The following EVC variants were observed in gnomAD, a reference collection of about 807,000 sequenced individuals.
The protein encoded by EVC is evC complex member EVC.
Under a neutral mutation model 118.9 loss-of-function variants are expected in EVC, and 116 were observed. That is an observed-to-expected ratio of 0.98 (90% CI 0.84 to 1.14). The LOEUF (loss-of-function observed/expected upper bound fraction) is 1.14, where lower values mean the gene tolerates loss of function less well. Among genes scored for constraint, EVC ranks in the 50% most tolerant of loss-of-function variants. The pLI, the probability that EVC is intolerant of heterozygous loss-of-function variation, is 0.00. For missense variants in EVC, 1,401 were observed against 1,246.4 expected, an observed-to-expected ratio of 1.12 and a Z score of -1.87; for synonymous variants, 619 against 534.7, an observed-to-expected ratio of 1.16 and a Z score of -2.18.
In EVC at chr4:5,754,559, G is replaced by T. The variant is rs1381992438; in HGVS notation, c.1464+626G>T. Reference sequence around the variant, plus strand: ...CTCGCCAGTTCTCAGAGAGACCACCGAGCTCTGGTTTCGCTCTGCTTGCTT... The same window carrying T: ...CTCGCCAGTTCTCAGAGAGACCACCTAGCTCTGGTTTCGCTCTGCTTGCTT... On this transcript the variant is annotated intron_variant, in intron 10 of 20. Coordinates refer to ENST00000264956, the MANE Select transcript of EVC (RefSeq NM_153717.3). The surrounding 1 kb of genome is among the most constrained non-coding windows in gnomAD (Gnocchi z 5.8). 6.6e-6 allele frequency among the ~76,000 whole-genome samples: 1 copy of T among 152,150 alleles called. No individual in the cohort carries two copies. The highest frequency in any genetic ancestry group is 1.5e-5 in the Non-Finnish European group (1 of 68,028).
At chr4:5,809,406 A>G (rs2152391501) in intron 18 of EVC, 112 bp from the exon 19 acceptor site, 1 of 903,076 alleles carries the variant, frequency 1.1e-6, no homozygotes, top group Non-Finnish European at 1.8e-6. Flanking sequence ...TCCACACGGG[A>G]GACGTGGTCT....
intron 13 of EVC, 46 bp downstream of exon 13, chr4:5,793,763 T>G: frequency 7.0e-7 from 1 of 1,428,194 alleles, no homozygotes; most frequent in Non-Finnish European, 9.7e-7. Context: ...TCCTGCATGA[T>G]GCTCCCTCCA....
At chr4:5,788,313 G>T (rs1007454567) in intron 12 of EVC, among the ~76,000 whole-genome samples, 3 of 152,174 alleles carry the variant, frequency 2.0e-5, no homozygotes, top group Non-Finnish European at 4.4e-5. Context: ...TGGGGCTGGA[G>T]TCTCATCAGA....
intron 11 of EVC, among the ~76,000 whole-genome samples, chr4:5,781,586 C>T (rs1735603530): frequency 6.6e-6 from 1 of 152,102 alleles, no homozygotes; most frequent in Admixed American, 6.6e-5. Flanking sequence ...CCTGTAATCC[C>T]AGCACTTTGG....
chr4:5,717,517 A>G (rs1724176678), intron 1 of EVC, among the ~76,000 whole-genome samples: 1 of 152,156 alleles, frequency 6.6e-6, no homozygotes, highest in Admixed American at 6.5e-5. Context: ...TCTTTACTGT[A>G]GGACTATCTG....
In EVC at chr4:5,717,114, T is replaced by C. The variant is rs138873501; in HGVS notation, c.175-2134T>C. The stretch of plus-strand genomic sequence containing the variant: ...ACTCCTATCACTTTTTTAGGTTGAA[T>C]TGGGCTTCCAATCTTAGTCTTTCTC... On this transcript the variant is annotated intron_variant, in intron 1 of 20. Coordinates refer to ENST00000264956, the MANE Select transcript of EVC (RefSeq NM_153717.3). Among the ~76,000 whole-genome samples the C allele has an allele frequency of 5.3e-3, 808 of 152,316 alleles. 13 individuals carry two copies. Among genetic ancestry groups the C allele is most frequent in the African/African-American group, 0.017 (701 of 41,566 alleles).
intron 11 of EVC, among the ~76,000 whole-genome samples, chr4:5,761,561 T>TG (rs1732019216): frequency 6.6e-6 from 1 of 151,754 alleles, no homozygotes; most frequent in East Asian, 1.9e-4. Context: ...TTGAAAGACT[T>TG]TCGTTAGTGC....
chr4:5,814,706 C>A (rs112767568), downstream of EVC, among the ~76,000 whole-genome samples: 3 of 152,048 alleles, frequency 2.0e-5, no homozygotes, highest in Admixed American at 2.0e-4. Context: ...ATGGGCCACA[C>A]CCCTGCCCCC....
intron 11 of EVC, among the ~76,000 whole-genome samples, chr4:5,761,313 C>T (rs1731970585): frequency 6.6e-6 from 1 of 151,934 alleles, no homozygotes; most frequent in Middle Eastern, 3.2e-3. Flanking sequence ...AGATCTGGGT[C>T]CAGGGTCCTG....
intron 11 of EVC, among the ~76,000 whole-genome samples, chr4:5,770,710 G>A (rs893707352): frequency 6.6e-6 from 1 of 152,162 alleles, no homozygotes; most frequent in African/African-American, 2.4e-5. Flanking sequence ...CAGTCAATCA[G>A]TTAATGTATT....
At position 5,743,042 on chromosome 4, in the gene EVC, G is replaced by T. The variant is rs950977304; in HGVS notation, c.801+1228G>T. On this transcript the variant is annotated intron_variant, in intron 6 of 20. Transcript: ENST00000264956. This position sits in a 1 kb window ranked among gnomAD's most constrained non-coding sequence, Gnocchi z 4.7. ...CAGTTCATTGCAAATTGAGGGACAG[G>T]TTATTTAGAACTTTCTAAAAAGGGG... Among the ~76,000 whole-genome samples the T allele has an allele frequency of 6.6e-6, 1 of 152,212 alleles. No individual in the cohort carries two copies. The highest frequency in any genetic ancestry group is 2.4e-5 in the African/African-American group (1 of 41,454).
In EVC at chr4:5,811,167, AC is replaced by A; in HGVS notation, c.*131del. On this transcript the variant is annotated 3_prime_UTR_variant, in exon 21 of 21. Transcript: ENST00000264956. ...GCATCTCTAGGCTCTTCTGAGAGGG[AC>A]AGAGAAAGAATAGAAATGTGCCCTA... 2 of 742,498 alleles carry A rather than the reference AC, an allele frequency of 2.7e-6. No homozygotes were observed. The highest frequency in any genetic ancestry group is 5.4e-5 in the East Asian group (2 of 37,156). The allele number at this position is 742,498 out of a possible 1,614,324, so 46.0% of individuals were successfully genotyped here. A position where few individuals can be genotyped will look rare whatever the true frequency, so the allele number is the denominator to read the frequency against.
At chr4:5,732,836 C>G (rs1727038277) in intron 4 of EVC, among the ~76,000 whole-genome samples, 2 of 152,036 alleles carry the variant, frequency 1.3e-5, no homozygotes, top group South Asian at 4.2e-4. Flanking sequence ...ATAGTGAGAC[C>G]CCATCTCTAA....
chr4:5,737,477 C>A lies in EVC; in HGVS notation c.702+4042C>A, dbSNP rs1383567010. 6.6e-6 allele frequency among the ~76,000 whole-genome samples: 1 copy of A among 152,196 alleles called. No homozygotes were observed. Among genetic ancestry groups the A allele is most frequent in the Non-Finnish European group, 1.5e-5 (1 of 68,028 alleles). ...GAAGATGCCATCTAAGACTTCATAGCTAAAGAGGAGAAGTCAATACCTGGC... is the reference window on the plus strand; with the variant it reads ...GAAGATGCCATCTAAGACTTCATAGATAAAGAGGAGAAGTCAATACCTGGC... On this transcript the variant is annotated intron_variant, in intron 5 of 20. Transcript: ENST00000264956. The surrounding 1 kb of genome is among the most constrained non-coding windows in gnomAD (Gnocchi z 5.0).
chr4:5,817,416 T>A (rs1717882190), downstream of EVC, among the ~76,000 whole-genome samples: 1 of 152,178 alleles, frequency 6.6e-6, no homozygotes, highest in African/African-American at 2.4e-5. Flanking sequence ...AATTCCCAGA[T>A]GGACTCTGGA....
intron 15 of EVC, chr4:5,801,689 AAAAGAT>A: frequency 2.5e-6 from 1 of 396,338 alleles, no homozygotes; most frequent in South Asian, 2.6e-5. Flanking sequence ...AAAAAAAAAA[AAAAGAT>A]GCGGGGAAGG....
intron 12 of EVC, among the ~76,000 whole-genome samples, chr4:5,787,317 A>G (rs1577578372): frequency 6.6e-6 from 1 of 152,234 alleles, no homozygotes; most frequent in East Asian, 1.9e-4. Flanking sequence ...GGACTTTGCA[A>G]ATCTTTGCGA....
chr4:5,717,241 C>A (rs1040595294), intron 1 of EVC, among the ~76,000 whole-genome samples: 1 of 152,042 alleles, frequency 6.6e-6, no homozygotes, highest in Non-Finnish European at 1.5e-5. Context: ...TTTGAAGAGT[C>A]ATTTTTTTGT....
rs564141396 is a variant in EVC at position 5,722,961 on chromosome 4, G to T, written c.300+3588G>T. Among the ~76,000 whole-genome samples the T allele has an allele frequency of 2.6e-5, 4 of 152,272 alleles. No homozygotes were observed. The East Asian group carries it at 7.7e-4, about 29-fold the overall frequency. On this transcript the variant is annotated intron_variant, in intron 2 of 20. Transcript: ENST00000264956. ...GGCTCCTGTTCAGGTAGCAGAGCCC[G>T]CTCCTTCCCTGATTTCAGGTGTCAC...
Sources: gnomAD v4.1 joint callset for allele counts (sites outside exome capture counted in the v4.1 genomes callset) on GRCh38, gnomAD v4.1.1 for gene constraint, Gnocchi (gnomAD v3.1) non-coding constraint, MANE v1.5 for transcripts, NCBI Gene and HGNC (gene_info 2026-07-23, HGNC 2026-07-21) for gene names.